The following XYLT1 variants were observed in gnomAD, a reference collection of about 807,000 sequenced individuals.
The protein encoded by XYLT1 is xylosyltransferase 1.
Under a neutral mutation model 91.3 loss-of-function variants are expected in XYLT1, and 36 were observed. The ratio of observed to expected loss-of-function variants is 0.39; its 90% CI spans 0.30 to 0.52. XYLT1 has a LOEUF of 0.52. Among genes scored for constraint, XYLT1 ranks in the 20% least tolerant of loss-of-function variants. The pLI is 0.68. For missense variants in XYLT1, 1,242 were observed against 1,284.5 expected, an observed-to-expected ratio of 0.97 and a Z score of 0.51; for synonymous variants, 588 against 532.0, an observed-to-expected ratio of 1.11 and a Z score of -1.45.
chr16:17,466,030 T>C (rs1002706756), intron 1 of XYLT1, among the ~76,000 whole-genome samples: 1 of 152,240 alleles, frequency 6.6e-6, no homozygotes, highest in Admixed American at 6.5e-5. Flanking sequence ...TGCCGGGGCC[T>C]CGCACATACT....
Position 17,123,138 on chromosome 16 carries a change from T to C in XYLT1, c.2223+4528A>G, listed in dbSNP as rs184540261. Among the ~76,000 whole-genome samples, 2 of 152,324 alleles carry C rather than the reference T, an allele frequency of 1.3e-5. 1 individual carries two copies. The highest frequency in any genetic ancestry group is 3.9e-4 in the East Asian group (2 of 5,192). ...AATGATGGTGGTATTCTGATGGGAATTGCATTGAATTTGTAGATTGCTTTT... is the reference window on the plus strand; with the variant it reads ...AATGATGGTGGTATTCTGATGGGAACTGCATTGAATTTGTAGATTGCTTTT... On this transcript the variant is annotated intron_variant, in intron 10 of 11. Coordinates refer to ENST00000261381, the MANE Select transcript of XYLT1 (RefSeq NM_022166.4).
intron 3 of XYLT1, among the ~76,000 whole-genome samples, chr16:17,247,913 A>C (rs2033467440): frequency 2.6e-5 from 4 of 152,208 alleles, no homozygotes; most frequent in Non-Finnish European, 5.9e-5. Context: ...TTCCTGATCC[A>C]AGATGACCTC....
chr16:17,266,621 A>C (rs1421362210), intron 2 of XYLT1, among the ~76,000 whole-genome samples: 1 of 152,176 alleles, frequency 6.6e-6, no homozygotes, highest in Non-Finnish European at 1.5e-5. Flanking sequence ...GGACAGGGCC[A>C]AAGGGAAACC....
intron 2 of XYLT1, among the ~76,000 whole-genome samples, chr16:17,268,622 T>C (rs1242897107): frequency 2.0e-5 from 3 of 151,646 alleles, no homozygotes; most frequent in African/African-American, 4.8e-5. Flanking sequence ...CCATACACAA[T>C]ACACACACAC....
intron 5 of XYLT1, among the ~76,000 whole-genome samples, chr16:17,159,683 TGA>T (rs2141541883): frequency 6.6e-6 from 1 of 152,342 alleles, no homozygotes; most frequent in South Asian, 2.1e-4. Context: ...GGCTACTGAT[TGA>T]GAGAGCTTTA....
intron 1 of XYLT1, among the ~76,000 whole-genome samples, chr16:17,417,235 A>C (rs1205743946): frequency 6.6e-6 from 1 of 152,220 alleles, no homozygotes; most frequent in Non-Finnish European, 1.5e-5. Flanking sequence ...TTATCCTCAC[A>C]ACAGCCTCGT....
At chr16:17,310,516 C>G (rs546385977) in intron 2 of XYLT1, among the ~76,000 whole-genome samples, 1 of 152,160 alleles carries the variant, frequency 6.6e-6, no homozygotes, top group Non-Finnish European at 1.5e-5. Flanking sequence ...TCCTCCTACT[C>G]AGGGTCAGTA....
intron 1 of XYLT1, among the ~76,000 whole-genome samples, chr16:17,452,762 A>G (rs2036683583): frequency 6.6e-6 from 1 of 152,198 alleles, no homozygotes; most frequent in Admixed American, 6.5e-5. Context: ...TTTGAAATCT[A>G]TTAAGATTCT....
intron 5 of XYLT1, among the ~76,000 whole-genome samples, chr16:17,172,539 T>G (rs992542944): frequency 6.8e-6 from 1 of 147,892 alleles, no homozygotes; most frequent in Non-Finnish European, 1.5e-5. Flanking sequence ...TGGCGTGATC[T>G]CGGCTCACTG....
intron 10 of XYLT1, among the ~76,000 whole-genome samples, chr16:17,118,192 C>A (rs1261793241): frequency 6.6e-6 from 1 of 152,140 alleles, no homozygotes; most frequent in Admixed American, 6.5e-5. Flanking sequence ...GGCCTGTGGT[C>A]CTTTTATTAA....
At chr16:17,258,654 T>C (rs1057204831) in intron 3 of XYLT1, among the ~76,000 whole-genome samples, 2 of 152,192 alleles carry the variant, frequency 1.3e-5, no homozygotes, top group Admixed American at 1.3e-4. Context: ...ATCCCAATAT[T>C]CTACTGAAAG....
chr16:17,401,189 G>A (rs2035964854), intron 1 of XYLT1, among the ~76,000 whole-genome samples: 1 of 152,150 alleles, frequency 6.6e-6, no homozygotes. Flanking sequence ...CTGGGCCCTT[G>A]GGCTGGAGGA....
intron 10 of XYLT1, among the ~76,000 whole-genome samples, chr16:17,120,060 C>T (rs1013708477): frequency 1.3e-5 from 2 of 152,156 alleles, no homozygotes; most frequent in Non-Finnish European, 2.9e-5. Flanking sequence ...GGCTGCCATC[C>T]CTCCCAGACT....
chr16:17,167,096 C>T (rs973306674), intron 5 of XYLT1, among the ~76,000 whole-genome samples: 3 of 152,204 alleles, frequency 2.0e-5, no homozygotes, highest in Non-Finnish European at 4.4e-5. Flanking sequence ...ACAGCTTGTG[C>T]CAGGTCTTAT....
At chr16:17,195,259 T>A (rs2032400275) in intron 5 of XYLT1, among the ~76,000 whole-genome samples, 2 of 152,054 alleles carry the variant, frequency 1.3e-5, no homozygotes, top group Non-Finnish European at 2.9e-5. Flanking sequence ...TCCCCAAACA[T>A]CAGCAGTGCC....
At chr16:17,435,470 C>T (rs1230104952) in intron 1 of XYLT1, among the ~76,000 whole-genome samples, 1 of 152,132 alleles carries the variant, frequency 6.6e-6, no homozygotes, top group Admixed American at 6.5e-5. Context: ...AAAAAGGCAA[C>T]GGCAGCTGCA....
chr16:17,197,043 C>T (rs975903681), intron 5 of XYLT1, among the ~76,000 whole-genome samples: 3 of 110,014 alleles, frequency 2.7e-5, no homozygotes, highest in East Asian at 2.1e-4. Context: ...ATATATATAC[C>T]GTTCAGAATA....
At chr16:17,113,595 A>G (rs1029462014) in intron 11 of XYLT1, among the ~76,000 whole-genome samples, 1 of 93,478 alleles carries the variant, frequency 1.1e-5, no homozygotes, top group Admixed American at 1.2e-4. Context: ...GCCTAATGCC[A>G]GAGTCTAATC....
intron 6 of XYLT1, among the ~76,000 whole-genome samples, chr16:17,158,579 G>A (rs1028655337): frequency 6.6e-6 from 1 of 152,206 alleles, no homozygotes; most frequent in East Asian, 1.9e-4. Context: ...TATTGGACTT[G>A]TGGAAGTCCT....
Sources: allele counts gnomAD v4.1 joint callset (sites outside exome capture counted in the v4.1 genomes callset), GRCh38; gene constraint gnomAD v4.1.1; transcripts MANE v1.5; gene names NCBI Gene and HGNC (gene_info 2026-07-23, HGNC 2026-07-21).